The following BTBD9 variants were observed in gnomAD, a reference collection of about 807,000 sequenced individuals.
BTBD9 encodes BTB/POZ domain-containing protein 9.
BTBD9 carries 49 observed loss-of-function variants against 64.3 expected under a neutral mutation model. That is an observed-to-expected ratio of 0.76 (90% CI 0.61 to 0.97). BTBD9 has a LOEUF of 0.97. BTBD9 is among the 50% of genes least tolerant of loss of function. The pLI is 0.00. For missense variants in BTBD9, 598 were observed against 762.1 expected (o/e 0.78, Z 2.53); for synonymous variants, 260 against 274.7 (o/e 0.95, Z 0.53).
rs551790900 is a variant in BTBD9 at position 38,623,730 on chromosome 6, T to C, written c.-28+16070A>G. 3.9e-5 allele frequency among the ~76,000 whole-genome samples: 6 copies of C among 152,364 alleles called. No homozygotes were observed. In the South Asian group the frequency reaches 1.2e-3, roughly 32 times the overall value. On this transcript the variant is annotated intron_variant, in intron 1 of 10. Transcript: ENST00000481247. ...CTCCCCTTTCTAGGTCCCATGACAG[T>C]CATCTTGCTATTACTTGCCTTTGGG... is the stretch of plus-strand genomic sequence containing the variant.
At chr6:38,479,925 C>T (rs961889277) in intron 6 of BTBD9, among the ~76,000 whole-genome samples, 7 of 151,962 alleles carry the variant, frequency 4.6e-5, no homozygotes, top group African/African-American at 1.5e-4. Context: ...GAAAGGGTTC[C>T]GTCATGTTGC....
chr6:38,538,572 T>G (rs1022808168), intron 6 of BTBD9, among the ~76,000 whole-genome samples: 1 of 152,112 alleles, frequency 6.6e-6, no homozygotes, highest in Non-Finnish European at 1.5e-5. Flanking sequence ...CAAATTATTA[T>G]CTAGATTAGT....
At chr6:38,613,974 C>T (rs942062840) in intron 1 of BTBD9, among the ~76,000 whole-genome samples, 1 of 152,174 alleles carries the variant, frequency 6.6e-6, no homozygotes, top group African/African-American at 2.4e-5. Context: ...GAACGCTTAC[C>T]ACCATAAAAA....
intron 7 of BTBD9, among the ~76,000 whole-genome samples, chr6:38,309,168 G>A (rs1762736905): frequency 6.6e-6 from 1 of 151,352 alleles, no homozygotes; most frequent in African/African-American, 2.4e-5. Context: ...TCAGGAGTTC[G>A]AGACCAGCCT....
At chr6:38,619,536 C>T (rs1398492001) in intron 1 of BTBD9, among the ~76,000 whole-genome samples, 1 of 152,186 alleles carries the variant, frequency 6.6e-6, no homozygotes, top group Non-Finnish European at 1.5e-5. Context: ...CACTGGAAGG[C>T]ACACTGCCCC....
intron 1 of BTBD9, among the ~76,000 whole-genome samples, chr6:38,611,142 A>G (rs1282454353): frequency 6.6e-6 from 1 of 152,162 alleles, no homozygotes. Context: ...ATATACGTAT[A>G]TGTACATGCA....
intron 6 of BTBD9, among the ~76,000 whole-genome samples, chr6:38,533,255 G>C (rs1256115152): frequency 6.6e-6 from 1 of 152,020 alleles, no homozygotes; most frequent in Non-Finnish European, 1.5e-5. Flanking sequence ...AAAAGAACAG[G>C]AGTAGCTATA....
chr6:38,517,807 A>G (rs894290091), intron 6 of BTBD9, among the ~76,000 whole-genome samples: 2 of 152,146 alleles, frequency 1.3e-5, no homozygotes, highest in African/African-American at 4.8e-5. Flanking sequence ...TCTATAACAC[A>G]TCGAATCCAT....
intron 9 of BTBD9, among the ~76,000 whole-genome samples, chr6:38,241,139 A>G (rs1763979984): frequency 6.6e-6 from 1 of 152,236 alleles, no homozygotes; most frequent in Non-Finnish European, 1.5e-5. Flanking sequence ...TATTAAGCTT[A>G]TATGTCCACT....
intron 10 of BTBD9, among the ~76,000 whole-genome samples, chr6:38,188,402 C>G (rs936278092): frequency 6.6e-6 from 1 of 152,248 alleles, no homozygotes; most frequent in Non-Finnish European, 1.5e-5. Flanking sequence ...CGCTTCCCCA[C>G]CAGTCCCTGC....
At chr6:38,319,198 C>A in intron 7 of BTBD9, among the ~76,000 whole-genome samples, 1 of 152,124 alleles carries the variant, frequency 6.6e-6, no homozygotes, top group South Asian at 2.1e-4. Flanking sequence ...GAAATGTTGT[C>A]CGAGAGCCAA....
Position 38,365,355 on chromosome 6 carries a change from G to C in BTBD9, c.1155-20262C>G, listed in dbSNP as rs1427509313. On this transcript the variant is annotated intron_variant, in intron 6 of 10. Transcript: ENST00000481247. ...GGCTGAACAGCAAGGCTGTATTTCA[G>C]AACATTATAACTGAAGTAAAAATAA... is the stretch of plus-strand genomic sequence containing the variant. Among the ~76,000 whole-genome samples the C allele has an allele frequency of 2.0e-5, 3 of 152,024 alleles. 1 individual carries two copies. Among genetic ancestry groups the C allele is most frequent in the Non-Finnish European group, 4.4e-5 (3 of 68,012 alleles).
chr6:38,357,101 A>G (rs1483362280), intron 6 of BTBD9, among the ~76,000 whole-genome samples: 8 of 152,186 alleles, frequency 5.3e-5, no homozygotes, highest in Admixed American at 3.9e-4. Context: ...ATAAATTTCC[A>G]ATTTTCCATC....
At chr6:38,425,539 G>A (rs1429638705) in intron 6 of BTBD9, among the ~76,000 whole-genome samples, 1 of 151,834 alleles carries the variant, frequency 6.6e-6, no homozygotes, top group African/African-American at 2.4e-5. Flanking sequence ...GAGATTCTAC[G>A]TGTAAAGTAC....
intron 9 of BTBD9, among the ~76,000 whole-genome samples, chr6:38,255,660 G>A (rs1764551021): frequency 6.6e-6 from 1 of 152,094 alleles, no homozygotes; most frequent in South Asian, 2.1e-4. Context: ...GAGAAATAAG[G>A]TACAAGGCTT....
intron 6 of BTBD9, among the ~76,000 whole-genome samples, chr6:38,534,622 T>C (rs1773941112): frequency 6.6e-6 from 1 of 151,550 alleles, no homozygotes; most frequent in South Asian, 2.1e-4. Context: ...TACAAAAATA[T>C]ACAACAAAAT....
chr6:38,435,334 C>CT (rs1399430654), intron 6 of BTBD9, among the ~76,000 whole-genome samples: 2 of 151,602 alleles, frequency 1.3e-5, no homozygotes, highest in Non-Finnish European at 2.9e-5. Context: ...AACTCCATCT[C>CT]TACTAAAAAT....
chr6:38,604,347 CA>C (rs1777354443), intron 1 of BTBD9, among the ~76,000 whole-genome samples: 1 of 152,150 alleles, frequency 6.6e-6, no homozygotes, highest in Non-Finnish European at 1.5e-5. Context: ...AAATATTTGA[CA>C]AAATTATTTT....
intron 6 of BTBD9, among the ~76,000 whole-genome samples, chr6:38,566,669 A>G (rs1213431675): frequency 6.6e-6 from 1 of 152,224 alleles, no homozygotes; most frequent in Non-Finnish European, 1.5e-5. Context: ...AAAGAAAATC[A>G]GTGTCATTGT....
Sources: allele counts gnomAD v4.1 joint callset (sites outside exome capture counted in the v4.1 genomes callset), GRCh38; gene constraint gnomAD v4.1.1; transcripts MANE v1.5; gene names NCBI Gene and HGNC (gene_info 2026-07-23, HGNC 2026-07-21).